ACBD6: variants seen among roughly 807,000 people sequenced by gnomAD.
The protein encoded by ACBD6 is acyl-CoA binding domain containing 6.
ACBD6 carries 28 observed loss-of-function variants against 37.2 expected under a neutral mutation model. The ratio of observed to expected loss-of-function variants is 0.75; its 90% CI spans 0.56 to 1.03. The LOEUF (loss-of-function observed/expected upper bound fraction) is 1.03. Ranked by LOEUF, ACBD6 falls within the 50% of genes least tolerant of loss-of-function variation. The pLI, the probability that ACBD6 is intolerant of heterozygous loss-of-function variation, is 0.00. For missense variants in ACBD6, 340 were observed against 337.4 expected (o/e 1.01, Z -0.06); for synonymous variants, 113 against 126.8 (o/e 0.89, Z 0.73).
intron 6 of ACBD6, among the ~76,000 whole-genome samples, chr1:180,331,317 T>C (rs927043940): frequency 6.6e-6 from 1 of 152,218 alleles, no homozygotes; most frequent in South Asian, 2.1e-4. Flanking sequence ...GTAATATAAC[T>C]AACATCCTTA....
At chr1:180,314,228 A>C (rs1303223198) in intron 7 of ACBD6, among the ~76,000 whole-genome samples, 1 of 152,134 alleles carries the variant, frequency 6.6e-6, no homozygotes, top group African/African-American at 2.4e-5. Context: ...ATTTTAATAC[A>C]TCTTCAACTT....
At chr1:180,381,429 CA>C (rs1653643809) in intron 6 of ACBD6, among the ~76,000 whole-genome samples, 1 of 152,180 alleles carries the variant, frequency 6.6e-6, no homozygotes, top group Non-Finnish European at 1.5e-5. Flanking sequence ...TTCTCATCAG[CA>C]TGCAGAAAAT....
intron 4 of ACBD6, among the ~76,000 whole-genome samples, chr1:180,422,558 G>C (rs1301546674): frequency 6.6e-6 from 1 of 152,080 alleles, no homozygotes; most frequent in Non-Finnish European, 1.5e-5. Context: ...AATTTACCCT[G>C]AAATGGCAGA....
chr1:180,373,646 T>C (rs1046355714), intron 6 of ACBD6, among the ~76,000 whole-genome samples: 1 of 152,172 alleles, frequency 6.6e-6, no homozygotes, highest in African/African-American at 2.4e-5. Flanking sequence ...CAATGACTAG[T>C]GGGATCAGAA....
chr1:180,501,968 T>C (rs1651999717), intron 1 of ACBD6, 77 bp downstream of exon 1: 4 of 1,319,234 alleles, frequency 3.0e-6, no homozygotes, highest in Admixed American at 1.8e-5. Context: ...CTATTAACCA[T>C]ACATGCTTGC....
intron 1 of ACBD6, among the ~76,000 whole-genome samples, chr1:180,500,475 C>T (rs916555404): frequency 6.6e-6 from 1 of 151,598 alleles, no homozygotes; most frequent in African/African-American, 2.4e-5. Context: ...GGCAGATCAC[C>T]TAAGGTCAGG....
chr1:180,287,569 A>G (rs1472599078), downstream of ACBD6, among the ~76,000 whole-genome samples: 1 of 143,444 alleles, frequency 7.0e-6, no homozygotes, highest in Admixed American at 7.3e-5. Context: ...CTAACAGTTC[A>G]GATCTAAGCT....
In ACBD6 at chr1:180,377,210, G is replaced by T. The variant is rs529844174; in HGVS notation, c.663+20306C>A. Among the ~76,000 whole-genome samples the T allele has an allele frequency of 7.3e-4, 111 of 152,170 alleles. 1 individual carries two copies. The highest frequency in any genetic ancestry group is 3.4e-3 in the Middle Eastern group (1 of 294). On this transcript the variant is annotated intron_variant, in intron 6 of 7. Coordinates refer to ENST00000367595, the MANE Select transcript of ACBD6 (RefSeq NM_032360.4). ...GGCTAAACTAAACCCTGTAATTTTT[G>T]ATTATAATCAAAGTATCAGTGTAAA...
intron 6 of ACBD6, among the ~76,000 whole-genome samples, chr1:180,351,376 A>G (rs1225611013): frequency 1.3e-5 from 2 of 151,792 alleles, no homozygotes; most frequent in Non-Finnish European, 2.9e-5. Context: ...CCTGGGTTCA[A>G]GCAATTCTCC....
chr1:180,449,039 G>T (rs1220305663), intron 3 of ACBD6, among the ~76,000 whole-genome samples: 1 of 152,072 alleles, frequency 6.6e-6, no homozygotes, highest in Non-Finnish European at 1.5e-5. Context: ...TGTAACACAT[G>T]AATAGGAATA....
chr1:180,456,153 A>G (rs1649913641), intron 3 of ACBD6, among the ~76,000 whole-genome samples: 1 of 150,820 alleles, frequency 6.6e-6, no homozygotes, highest in Non-Finnish European at 1.5e-5. Flanking sequence ...CGGAGGTTGC[A>G]GTGAGCCAAG....
At chr1:180,460,540 T>C (rs1227696718) in intron 3 of ACBD6, among the ~76,000 whole-genome samples, 2 of 150,888 alleles carry the variant, frequency 1.3e-5, no homozygotes, top group African/African-American at 4.9e-5. Flanking sequence ...AACAAGTCTG[T>C]ACCCTCCCTG....
intron 7 of ACBD6, among the ~76,000 whole-genome samples, chr1:180,302,114 A>G (rs201702055): frequency 1.3e-5 from 2 of 152,058 alleles, no homozygotes; most frequent in African/African-American, 4.8e-5. Context: ...GCAGCACACA[A>G]ACATGGCACA....
chr1:180,430,233 A>C lies in ACBD6; in HGVS notation c.414T>G (p.Asn138Lys), dbSNP rs1412808105. The change falls in exon 4 of 8, where the codon AAT (asparagine) becomes AAG (lysine). Residue 138 changes from asparagine to lysine, a missense_variant. Asn to Lys is a moderately conservative substitution (Grantham distance 94, BLOSUM62 0). Transcript: ENST00000367595. ...QIPEKKGKEA[N>K]TGFGGPVISS... ...TAATAACTGGCCCACCAAAACCTGT[A>C]TTTGCTTCTTTTCCTTTCTTCTCTG... 2 of 1,613,420 alleles carry C rather than the reference A, an allele frequency of 1.2e-6. No homozygotes were observed. Among genetic ancestry groups the C allele is most frequent in the African/African-American group, 1.3e-5 (1 of 74,902 alleles).
intron 5 of ACBD6, among the ~76,000 whole-genome samples, chr1:180,408,418 G>A (rs1176533476): frequency 5.3e-5 from 8 of 151,902 alleles, no homozygotes; most frequent in South Asian, 2.1e-4. Context: ...CTATCGCAAA[G>A]ACAAAAAATC....
chr1:180,372,475 T>A (rs1409243878), intron 6 of ACBD6, among the ~76,000 whole-genome samples: 1 of 152,166 alleles, frequency 6.6e-6, no homozygotes, highest in Non-Finnish European at 1.5e-5. Flanking sequence ...TGTTACATGG[T>A]CCTCTTAACT....
At chr1:180,311,329 T>C (rs571556429) in intron 7 of ACBD6, among the ~76,000 whole-genome samples, 10 of 152,342 alleles carry the variant, frequency 6.6e-5, no homozygotes, top group African/African-American at 2.2e-4. Flanking sequence ...TCGTCTCTGA[T>C]CCAAAAGTTT....
intron 3 of ACBD6, among the ~76,000 whole-genome samples, chr1:180,484,954 C>A (rs1335674137): frequency 6.6e-6 from 1 of 151,812 alleles, no homozygotes; most frequent in African/African-American, 2.4e-5. Flanking sequence ...ATCCCAGCTA[C>A]CAGCTACTCA....
chr1:180,447,901 C>CA (rs763612989), intron 3 of ACBD6, among the ~76,000 whole-genome samples: 2,254 of 140,876 alleles, frequency 0.016, 26 homozygotes, highest in Non-Finnish European at 0.026. Flanking sequence ...CTCATGTGTA[C>CA]AAAAAAAAAA....
Sources: gnomAD v4.1 joint callset for allele counts (sites outside exome capture counted in the v4.1 genomes callset) on GRCh38, gnomAD v4.1.1 for gene constraint, MANE v1.5 for transcripts, NCBI Gene and HGNC (gene_info 2026-07-23, HGNC 2026-07-21) for gene names.